The following RNF150 variants were observed in gnomAD, a reference collection of about 807,000 sequenced individuals.
RNF150 encodes ring finger protein 150.
Under a neutral mutation model 39.3 loss-of-function variants are expected in RNF150, and 24 were observed. The observed-to-expected ratio is 0.61, with a 90% CI of 0.44 to 0.86. The LOEUF is 0.86. Among genes scored for constraint, RNF150 ranks in the 40% least tolerant of loss-of-function variants. The probability of loss-of-function intolerance (pLI) is 0.00; values close to 1 mark genes in which losing one functional copy is unlikely to be tolerated. For synonymous variants in RNF150, 255 were observed against 227.3 expected, an observed-to-expected ratio of 1.12 and a Z score of -1.10; for missense variants, 502 against 587.8, an observed-to-expected ratio of 0.85 and a Z score of 1.51.
chr4:141,076,490 G>T (rs998924288), intron 1 of RNF150, among the ~76,000 whole-genome samples: 3 of 151,900 alleles, frequency 2.0e-5, no homozygotes, highest in African/African-American at 7.3e-5. Flanking sequence ...TGGCTCCCCA[G>T]TGTCTCAGAA....
intron 1 of RNF150, among the ~76,000 whole-genome samples, chr4:141,102,591 C>A (rs556207268): frequency 2.0e-5 from 3 of 152,246 alleles, no homozygotes; most frequent in African/African-American, 7.2e-5. Context: ...ATAACCTTAT[C>A]CTCAAACCAC....
At chr4:140,893,734 A>G (rs973826315) in intron 6 of RNF150, among the ~76,000 whole-genome samples, 2 of 152,216 alleles carry the variant, frequency 1.3e-5, no homozygotes, top group African/African-American at 4.8e-5. Context: ...TGTGAAGCTT[A>G]AAAATGAAGA....
In RNF150 at chr4:141,089,662, C is replaced by T. The variant is rs548989877; in HGVS notation, c.484+42663G>A. 8.3e-4 allele frequency among the ~76,000 whole-genome samples: 127 copies of T among 152,238 alleles called. 1 individual carries two copies. The highest frequency in any genetic ancestry group is 2.8e-3 in the African/African-American group (116 of 41,550). The stretch of plus-strand genomic sequence containing the variant: ...TCATAATGAAGAAACTCCTTGTAAT[C>T]GTGTGAAGGTACAGAAGACCACTGG... On this transcript the variant is annotated intron_variant, in intron 1 of 6. Coordinates refer to ENST00000515673, the MANE Select transcript of RNF150 (RefSeq NM_020724.2).
In RNF150 at chr4:140,987,155, T is replaced by C. The variant is rs58613693; in HGVS notation, c.485-19282A>G. Among the ~76,000 whole-genome samples, 705 of 152,156 alleles carry C rather than the reference T, an allele frequency of 4.6e-3. 5 individuals carry two copies. The highest frequency in any genetic ancestry group is 0.016 in the African/African-American group (674 of 41,542). ...TAAAAAAATATTCCATGTACATGAATTGGAAGAATTAATATCATTAAAATA... is the reference window on the plus strand; with the variant it reads ...TAAAAAAATATTCCATGTACATGAACTGGAAGAATTAATATCATTAAAATA... On this transcript the variant is annotated intron_variant, in intron 1 of 6. Coordinates refer to ENST00000515673, the MANE Select transcript of RNF150 (RefSeq NM_020724.2).
chr4:141,088,200 T>C lies in RNF150; in HGVS notation c.484+44125A>G, dbSNP rs540421733. 1.2e-4 allele frequency among the ~76,000 whole-genome samples: 19 copies of C among 152,372 alleles called. No individual in the cohort carries two copies. The East Asian group carries it at 3.7e-3, about 29-fold the overall frequency. On this transcript the variant is annotated intron_variant, in intron 1 of 6. Transcript: ENST00000515673. ...TAATGTCCATAACGTGCCTACCACATAGCAGGCATTTATTGTACAGTAGCT... is the reference window on the plus strand; with the variant it reads ...TAATGTCCATAACGTGCCTACCACACAGCAGGCATTTATTGTACAGTAGCT...
At position 141,161,782 on chromosome 4, in the gene RNF150, G is replaced by A. The variant is rs572196441; in HGVS notation, c.-6+51012C>T. On this transcript the variant is annotated intron_variant, in intron 1 of 7. Coordinates refer to the RNF150 transcript ENST00000420921. ...GTACACCTCAGGCTGCTACTCCAAA[G>A]GGTGTAAGCCATTAGCCTTGGCAGC... Among the ~76,000 whole-genome samples, 4 of 152,372 alleles carry A rather than the reference G, an allele frequency of 2.6e-5. No individual in the cohort carries two copies. The South Asian group carries it at 8.3e-4, about 32-fold the overall frequency.
intron 1 of RNF150, among the ~76,000 whole-genome samples, chr4:141,020,177 C>T (rs1418262416): frequency 1.3e-5 from 2 of 151,952 alleles, no homozygotes; most frequent in Non-Finnish European, 2.9e-5. Flanking sequence ...TTTCTCTAAC[C>T]GTTTTAGCTT....
At chr4:141,194,260 G>A (rs1333861196) in intron 1 of RNF150, among the ~76,000 whole-genome samples, 1 of 152,172 alleles carries the variant, frequency 6.6e-6, no homozygotes, top group African/African-American at 2.4e-5. Context: ...CACATTCAAA[G>A]TGTTGAAAGA....
chr4:140,903,654 T>A (rs1331558547), intron 6 of RNF150, among the ~76,000 whole-genome samples: 3 of 152,186 alleles, frequency 2.0e-5, no homozygotes, highest in African/African-American at 7.2e-5. Context: ...CTGAGCCATG[T>A]CAAAAGCAAG....
In RNF150 at chr4:140,892,664, C is replaced by T. The variant is rs184514059; in HGVS notation, c.1198+18480G>A. On this transcript the variant is annotated intron_variant, in intron 6 of 6. Transcript: ENST00000515673. ...TTAGGGAGTCTGGGTGACTTCTTGG[C>T]TTCGCAGGCTCCTTCCCCCTGGGGA... 4.7e-5 allele frequency among the ~76,000 whole-genome samples: 7 copies of T among 150,166 alleles called. No homozygotes were observed. In the East Asian group the frequency reaches 1.2e-3, roughly 25 times the overall value.
At chr4:141,068,590 G>A (rs1039772285) in intron 1 of RNF150, among the ~76,000 whole-genome samples, 1 of 151,618 alleles carries the variant, frequency 6.6e-6, no homozygotes, top group African/African-American at 2.4e-5. Flanking sequence ...TTCCAATTCT[G>A]TGAAGAAAGT....
At chr4:140,984,373 T>G (rs541377316) in intron 1 of RNF150, among the ~76,000 whole-genome samples, 4 of 152,256 alleles carry the variant, frequency 2.6e-5, no homozygotes, top group Admixed American at 1.3e-4. Flanking sequence ...TAGACTAATA[T>G]GTAAGTGAAC....
intron 1 of RNF150, among the ~76,000 whole-genome samples, chr4:141,201,222 C>T (rs1046541912): frequency 6.6e-6 from 1 of 152,050 alleles, no homozygotes; most frequent in Non-Finnish European, 1.5e-5. Flanking sequence ...GCATTCTGGC[C>T]CAAATTGATA....
chr4:140,896,932 G>T (rs1729982031), intron 6 of RNF150, among the ~76,000 whole-genome samples: 1 of 152,070 alleles, frequency 6.6e-6, no homozygotes, highest in South Asian at 2.1e-4. Context: ...AGCAATGTTG[G>T]CTGCTAGGAT....
Position 140,860,891 on chromosome 4 carries a change from T to G in RNF150, c.*7370A>C, listed in dbSNP as rs534856558. On this transcript the variant is annotated 3_prime_UTR_variant, in exon 7 of 7. Coordinates refer to ENST00000515673, the MANE Select transcript of RNF150 (RefSeq NM_020724.2). ...ATATGTACTGCTTGAGAGTTTCCCC[T>G]GGAAACCAGAATAATCATCCTCCCA... 6.6e-6 allele frequency: 1 copy of G among 152,274 alleles called. No homozygotes were observed. Among genetic ancestry groups the G allele is most frequent in the Admixed American group, 6.5e-5 (1 of 15,298 alleles). The allele number at this position is 152,274 out of a possible 1,614,324, so 9.4% of individuals were successfully genotyped here. A position where few individuals can be genotyped will look rare whatever the true frequency, so the allele number is the denominator to read the frequency against.
rs749317137 is a variant in RNF150 at position 141,027,912 on chromosome 4, G to GTT, written c.485-60041_485-60040dup. 3.5e-3 allele frequency among the ~76,000 whole-genome samples: 96 copies of GTT among 27,088 alleles called. 4 individuals carry two copies. The highest frequency in any genetic ancestry group is 4.4e-3 in the Admixed American group (9 of 2,040). 17.8% of individuals were successfully genotyped at this position (27,088 alleles called of 152,430 possible). A position where few individuals can be genotyped will look rare whatever the true frequency, so the allele number is the denominator to read the frequency against. On this transcript the variant is annotated intron_variant, in intron 1 of 6. Coordinates refer to ENST00000515673, the MANE Select transcript of RNF150 (RefSeq NM_020724.2). The stretch of plus-strand genomic sequence containing the variant: ...TAGATAGTTAATGAGCTTGGAATTT[G>GTT]TTTTTTTTTTTTTGTTTTTTTTTTT...
intron 1 of RNF150, among the ~76,000 whole-genome samples, chr4:141,072,648 T>A (rs543068073): frequency 4.7e-4 from 71 of 152,310 alleles, no homozygotes; most frequent in Non-Finnish European, 8.2e-4. Context: ...TAAAAACTTT[T>A]TGTATAAATA....
chr4:140,984,611 C>T (rs1019168648), intron 1 of RNF150, among the ~76,000 whole-genome samples: 1 of 152,108 alleles, frequency 6.6e-6, no homozygotes, highest in African/African-American at 2.4e-5. Context: ...CTGTCCATTA[C>T]ACTCCCCTAT....
chr4:140,938,685 T>A (rs1329218345), intron 4 of RNF150, among the ~76,000 whole-genome samples: 3 of 152,166 alleles, frequency 2.0e-5, no homozygotes, highest in African/African-American at 7.2e-5. Flanking sequence ...GGTAGGCAAG[T>A]CACTCTGAGC....
Sources: allele counts gnomAD v4.1 joint callset (sites outside exome capture counted in the v4.1 genomes callset), GRCh38; gene constraint gnomAD v4.1.1; transcripts MANE v1.5; gene names NCBI Gene and HGNC (gene_info 2026-07-23, HGNC 2026-07-21).